DCLK1: variants seen among roughly 807,000 people sequenced by gnomAD.
The protein encoded by DCLK1 is doublecortin like kinase 1, also known as serine/threonine-protein kinase DCLK1.
A neutral mutation model predicts 86.2 loss-of-function variants in DCLK1; 16 were observed. That is an observed-to-expected ratio of 0.19 (90% CI 0.13 to 0.28). DCLK1 has a LOEUF of 0.28. Among genes scored for constraint, DCLK1 ranks in the 10% least tolerant of loss-of-function variants. The probability of loss-of-function intolerance (pLI) is 1.00; values close to 1 mark genes in which losing one functional copy is unlikely to be tolerated. For missense variants in DCLK1, 590 were observed against 940.2 expected, an observed-to-expected ratio of 0.63 and a Z score of 4.87; for synonymous variants, 369 against 370.5, an observed-to-expected ratio of 1.00 and a Z score of 0.05.
chr13:35,881,916 G>T (rs1171620243), intron 4 of DCLK1, among the ~76,000 whole-genome samples: 1 of 152,196 alleles, frequency 6.6e-6, no homozygotes, highest in Non-Finnish European at 1.5e-5. Context: ...TCATGCTAAC[G>T]CTGGGCCTAC....
chr13:35,955,132 T>C (rs1425692849), intron 3 of DCLK1, among the ~76,000 whole-genome samples: 1 of 152,164 alleles, frequency 6.6e-6, no homozygotes, highest in African/African-American at 2.4e-5. Context: ...CCATCTTTCA[T>C]GGACTCAGAC....
At chr13:36,108,923 G>A (rs951044591) in intron 3 of DCLK1, among the ~76,000 whole-genome samples, 2 of 152,184 alleles carry the variant, frequency 1.3e-5, no homozygotes, top group Non-Finnish European at 2.9e-5. Flanking sequence ...CTATGGCCAA[G>A]CGTTATTCCA....
chr13:35,965,227 T>C (rs958027870), intron 3 of DCLK1, among the ~76,000 whole-genome samples: 1 of 152,162 alleles, frequency 6.6e-6, no homozygotes, highest in African/African-American at 2.4e-5. Context: ...ACAACACACA[T>C]AGCCATCTTT....
chr13:35,907,998 G>A (rs892829341), intron 4 of DCLK1, among the ~76,000 whole-genome samples: 1 of 151,768 alleles, frequency 6.6e-6, no homozygotes, highest in African/African-American at 2.4e-5. Flanking sequence ...CCTTGTTCTG[G>A]GGTGGCTTTG....
intron 4 of DCLK1, among the ~76,000 whole-genome samples, chr13:35,938,852 G>C (rs1343758574): frequency 6.6e-6 from 1 of 152,076 alleles, no homozygotes; most frequent in African/African-American, 2.4e-5. Flanking sequence ...AAAAATTCAT[G>C]TCACTGTTAC....
rs1396424012 is a variant in DCLK1, at chr13:35,899,832, CA to C, written c.824-28493del. On this transcript the variant is annotated intron_variant, in intron 4 of 16. Coordinates refer to ENST00000360631, the MANE Select transcript of DCLK1 (RefSeq NM_001330071.2). ...AAAAAATGGCACATATAAATGAAGA[CA>C]AAAAGAACGCTATTGGTAAAAGATA... Among the ~76,000 whole-genome samples, 4 of 152,018 alleles carry C rather than the reference CA, an allele frequency of 2.6e-5. No homozygotes were observed. In the East Asian group the frequency reaches 7.7e-4, roughly 29 times the overall value.
At chr13:35,914,913 G>C (rs189475541) in intron 4 of DCLK1, among the ~76,000 whole-genome samples, 2 of 152,258 alleles carry the variant, frequency 1.3e-5, no homozygotes, top group East Asian at 3.9e-4. Flanking sequence ...AAAGAGGAAG[G>C]AGATGACTTG....
intron 5 of DCLK1, among the ~76,000 whole-genome samples, chr13:35,867,943 A>AAGAAAGAAAGAC (rs1442509564): frequency 7.2e-6 from 1 of 138,530 alleles, no homozygotes; most frequent in African/African-American, 2.7e-5. Flanking sequence ...GAAAGAAAGA[A>AAGAAAGAAAGAC]AGAAAGAAAG....
chr13:35,911,471 TG>T (rs1345038776), intron 4 of DCLK1, among the ~76,000 whole-genome samples: 1 of 151,928 alleles, frequency 6.6e-6, no homozygotes, highest in Non-Finnish European at 1.5e-5. Context: ...GAGAAGGTGG[TG>T]GGATTTCTGT....
chr13:35,957,442 G>C (rs1365279532), intron 3 of DCLK1, among the ~76,000 whole-genome samples: 1 of 152,164 alleles, frequency 6.6e-6, no homozygotes, highest in East Asian at 1.9e-4. Context: ...GATGAGTGCT[G>C]AGACCTATGA....
At chr13:36,014,802 A>T (rs1050228603) in intron 3 of DCLK1, among the ~76,000 whole-genome samples, 1 of 152,256 alleles carries the variant, frequency 6.6e-6, no homozygotes, top group African/African-American at 2.4e-5. Context: ...ATAGATGTTT[A>T]AACTTAAGCT....
chr13:35,771,040 CCTCAG>C lies in DCLK1; in HGVS notation c.*3490_*3494del, dbSNP rs1333784797. ...ACACAGTAATATTAAGAAAGCTCTCCCTCAGCACGATTGAGCTTCAGCGCAAGGGA... is the reference window on the plus strand; with the variant it reads ...ACACAGTAATATTAAGAAAGCTCTCCCACGATTGAGCTTCAGCGCAAGGGA... On this transcript the variant is annotated 3_prime_UTR_variant, in exon 17 of 17. Transcript: ENST00000360631. The C allele has an allele frequency of 6.6e-6, 1 of 152,132 alleles. No individual in the cohort carries two copies. The highest frequency in any genetic ancestry group is 2.1e-4 in the South Asian group (1 of 4,822). 9.4% of individuals were successfully genotyped at this position (152,132 alleles called of 1,614,324 possible). A position where few individuals can be genotyped will look rare whatever the true frequency, so the allele number is the denominator to read the frequency against.
At chr13:35,977,448 T>C (rs1879405147) in intron 3 of DCLK1, among the ~76,000 whole-genome samples, 1 of 152,190 alleles carries the variant, frequency 6.6e-6, no homozygotes, top group African/African-American at 2.4e-5. Context: ...GGAGGTATAT[T>C]TTGGTGAATG....
At chr13:35,938,205 T>C (rs1307826444) in intron 4 of DCLK1, among the ~76,000 whole-genome samples, 1 of 152,050 alleles carries the variant, frequency 6.6e-6, no homozygotes, top group African/African-American at 2.4e-5. Context: ...ACTTTGACCA[T>C]AGGGAAGGGG....
At chr13:35,797,094 C>T (rs2086828154) in intron 15 of DCLK1, among the ~76,000 whole-genome samples, 1 of 152,192 alleles carries the variant, frequency 6.6e-6, no homozygotes, top group Non-Finnish European at 1.5e-5. Flanking sequence ...AGCAGTGCAG[C>T]AAGGCCTGGC....
chr13:36,058,420 T>C (rs1883415089), intron 3 of DCLK1, among the ~76,000 whole-genome samples: 1 of 152,116 alleles, frequency 6.6e-6, no homozygotes, highest in Non-Finnish European at 1.5e-5. Flanking sequence ...GGATCAAGAC[T>C]CAGGACTGAG....
chr13:35,799,747 A>T (rs2086882540), intron 15 of DCLK1, among the ~76,000 whole-genome samples: 1 of 152,070 alleles, frequency 6.6e-6, no homozygotes, highest in Non-Finnish European at 1.5e-5. Context: ...ATATATAAGA[A>T]TTTTTTTCTG....
rs775464723 is a variant in DCLK1 at position 35,871,129 on chromosome 13, C to T, written c.940+95G>A. ...AAAATTATAAACCGGAACCTACACT[C>T]GCTTAAAAACCTCACACTCTAGGCT... On this transcript the variant is annotated intron_variant, in intron 5 of 16. Transcript: ENST00000360631. 4.8e-5 allele frequency: 48 copies of T among 997,786 alleles called. 1 individual carries two copies. The highest frequency in any genetic ancestry group is 6.2e-5 in the South Asian group (4 of 64,254). The allele number at this position is 997,786 out of a possible 1,614,324, so 61.8% of individuals were successfully genotyped here.
intron 5 of DCLK1, among the ~76,000 whole-genome samples, chr13:35,861,928 A>C (rs1181411535): frequency 6.7e-6 from 1 of 150,170 alleles, no homozygotes. Flanking sequence ...AGCTACTCGA[A>C]GGCTGAGGCG....
Sources: gnomAD v4.1 joint callset for allele counts (sites outside exome capture counted in the v4.1 genomes callset) on GRCh38, gnomAD v4.1.1 for gene constraint, MANE v1.5 for transcripts, NCBI Gene and HGNC (gene_info 2026-07-23, HGNC 2026-07-21) for gene names.